NXNL2: variants seen among roughly 807,000 people sequenced by gnomAD.
The protein encoded by NXNL2 is nucleoredoxin like 2.
NXNL2 carries 7 observed loss-of-function variants against 11.1 expected under a neutral mutation model. The ratio of observed to expected loss-of-function variants is 0.63; its 90% CI spans 0.36 to 1.18. NXNL2 has a LOEUF of 1.18. NXNL2 is among the 50% of genes most tolerant of loss of function. NXNL2 has a pLI of 0.02. For missense variants in NXNL2, 233 were observed against 217.7 expected (o/e 1.07, Z -0.44); for synonymous variants, 109 against 101.8 (o/e 1.07, Z -0.42).
chr9:88,583,501 G>A (rs1205746054), intron 1 of NXNL2, among the ~76,000 whole-genome samples: 1 of 152,190 alleles, frequency 6.6e-6, no homozygotes, highest in Non-Finnish European at 1.5e-5. Context: ...CATCTGAGGG[G>A]TCTGACTGTT....
chr9:88,536,707 G>T (rs902664894), intron 1 of NXNL2, among the ~76,000 whole-genome samples: 1 of 152,192 alleles, frequency 6.6e-6, no homozygotes, highest in Non-Finnish European at 1.5e-5. Flanking sequence ...GGAAAGTTTT[G>T]TAGATGAGTA....
chr9:88,575,968 GT>G (rs758455814), downstream of NXNL2, among the ~76,000 whole-genome samples: 15 of 152,200 alleles, frequency 9.9e-5, no homozygotes, highest in Non-Finnish European at 1.0e-4. Flanking sequence ...ACTGAGGCAG[GT>G]GAATCACGAG....
At chr9:88,574,570 A>C (rs941379126) in intron 2 of NXNL2, among the ~76,000 whole-genome samples, 1 of 152,232 alleles carries the variant, frequency 6.6e-6, no homozygotes, top group Non-Finnish European at 1.5e-5. Flanking sequence ...TTCCAAAGGA[A>C]GCAATTAGAT....
intron 1 of NXNL2, among the ~76,000 whole-genome samples, chr9:88,562,522 G>A (rs984367489): frequency 2.0e-5 from 3 of 152,202 alleles, no homozygotes; most frequent in African/African-American, 7.2e-5. Context: ...GGAGGCCGAG[G>A]TGGGTGGATC....
At chr9:88,550,564 C>T (rs2118455791) in intron 1 of NXNL2, among the ~76,000 whole-genome samples, 1 of 152,314 alleles carries the variant, frequency 6.6e-6, no homozygotes, top group South Asian at 2.1e-4. Flanking sequence ...GGTGGGACAT[C>T]TTGAAGCAGG....
chr9:88,560,319 AAC>A (rs1360305681), intron 1 of NXNL2, among the ~76,000 whole-genome samples: 3 of 151,464 alleles, frequency 2.0e-5, no homozygotes, highest in Non-Finnish European at 4.4e-5. Context: ...ACTAGACAAA[AAC>A]ACAAACTGGC....
At chr9:88,577,051 G>T (rs1830356005), downstream of NXNL2, among the ~76,000 whole-genome samples, 1 of 152,112 alleles carries the variant, frequency 6.6e-6, no homozygotes, top group African/African-American at 2.4e-5. Flanking sequence ...GAGGGTCCTT[G>T]CGAGGTGTCC....
intron 1 of NXNL2, among the ~76,000 whole-genome samples, chr9:88,564,188 G>A (rs1268212416): frequency 6.7e-6 from 1 of 150,220 alleles, no homozygotes; most frequent in African/African-American, 2.5e-5. Flanking sequence ...TCCAGCCTGG[G>A]GGACAAGAGC....
chr9:88,569,858 A>C (rs962353441), intron 1 of NXNL2, among the ~76,000 whole-genome samples: 9 of 152,186 alleles, frequency 5.9e-5, no homozygotes, highest in African/African-American at 1.9e-4. Context: ...AGATTTGCTA[A>C]TATTTTATTT....
chr9:88,557,981 G>A (rs1830039917), intron 1 of NXNL2, among the ~76,000 whole-genome samples: 1 of 152,214 alleles, frequency 6.6e-6, no homozygotes, highest in African/African-American at 2.4e-5. Context: ...CTGTGATACT[G>A]TGAAATATAT....
chr9:88,539,264 G>A (rs1295443489), intron 1 of NXNL2, among the ~76,000 whole-genome samples: 2 of 152,194 alleles, frequency 1.3e-5, no homozygotes, highest in Non-Finnish European at 2.9e-5. Context: ...TGACAGTGCT[G>A]GTCAAAGGCT....
At chr9:88,573,422 G>A (rs983582478) in intron 2 of NXNL2, among the ~76,000 whole-genome samples, 9 of 152,308 alleles carry the variant, frequency 5.9e-5, no homozygotes, top group East Asian at 3.9e-4. Context: ...GCGATTACAC[G>A]CATGAGCCAC....
chr9:88,567,426 C>T (rs1029178019), intron 1 of NXNL2, among the ~76,000 whole-genome samples: 4 of 152,158 alleles, frequency 2.6e-5, no homozygotes, highest in South Asian at 2.1e-4. Context: ...CGTGAGCCAC[C>T]GCGCCTGGGC....
At chr9:88,546,366 G>T (rs1453511351), downstream of NXNL2, among the ~76,000 whole-genome samples, 1 of 151,882 alleles carries the variant, frequency 6.6e-6, no homozygotes, top group Non-Finnish European at 1.5e-5. Flanking sequence ...CCTAGGGCTG[G>T]GAGAGTGATG....
At chr9:88,562,519 G>A (rs1033370605) in intron 1 of NXNL2, among the ~76,000 whole-genome samples, 16 of 152,112 alleles carry the variant, frequency 1.1e-4, no homozygotes, top group Non-Finnish European at 7.4e-5. Flanking sequence ...TTGGGAGGCC[G>A]AGGTGGGTGG....
At position 88,544,646 on chromosome 9, in the gene NXNL2, A is replaced by T. The variant is rs187905666; in HGVS notation, c.*99A>T. ...TTGGGTTCCTTCCTCTGTTGGTGTG[A>T]TTTCATTGTATTTCAGAGCAGAAGC... is the stretch of plus-strand genomic sequence containing the variant. On this transcript the variant is annotated 3_prime_UTR_variant, in exon 2 of 2. Coordinates refer to ENST00000375854, the MANE Select transcript of NXNL2 (RefSeq NM_001161625.2). 2.8e-5 allele frequency: 40 copies of T among 1,435,394 alleles called. No individual in the cohort carries two copies. In the African/African-American group the frequency reaches 5.1e-4, roughly 18 times the overall value. 88.9% of individuals were successfully genotyped at this position (1,435,394 alleles called of 1,614,324 possible). A position where few individuals can be genotyped will look rare whatever the true frequency, so the allele number is the denominator to read the frequency against.
chr9:88,540,373 T>C (rs1829728204), intron 1 of NXNL2, among the ~76,000 whole-genome samples: 1 of 151,512 alleles, frequency 6.6e-6, no homozygotes, highest in African/African-American at 2.4e-5. Flanking sequence ...ATTCTTAAGA[T>C]GCTAGAGAGG....
intron 1 of NXNL2, among the ~76,000 whole-genome samples, chr9:88,581,751 C>T (rs929902098): frequency 2.0e-5 from 3 of 152,194 alleles, no homozygotes; most frequent in African/African-American, 4.8e-5. Context: ...CCACTGCACC[C>T]GGCTGCAACC....
intron 1 of NXNL2, among the ~76,000 whole-genome samples, chr9:88,562,965 G>A (rs1830105979): frequency 6.6e-6 from 1 of 151,764 alleles, no homozygotes; most frequent in Non-Finnish European, 1.5e-5. Flanking sequence ...GCACACACCT[G>A]TAGTCCCAGC....
Sources: gnomAD v4.1 joint callset for allele counts (sites outside exome capture counted in the v4.1 genomes callset) on GRCh38, gnomAD v4.1.1 for gene constraint, MANE v1.5 for transcripts, NCBI Gene and HGNC (gene_info 2026-07-23, HGNC 2026-07-21) for gene names.